The following CHD9 variants were observed in gnomAD, a reference collection of about 807,000 sequenced individuals.
The protein encoded by CHD9 is chromodomain helicase DNA binding protein 9, also known as ATP-dependent chromatin remodeler CHD9.
CHD9 carries 77 observed loss-of-function variants against 316.1 expected under a neutral mutation model. That is an observed-to-expected ratio of 0.24 (90% CI 0.20 to 0.29). CHD9 has a LOEUF of 0.29. Ranked by LOEUF, CHD9 falls within the 10% of genes least tolerant of loss-of-function variation. CHD9 has a pLI of 1.00. For synonymous variants in CHD9, 1,129 were observed against 1,158.3 expected (o/e 0.97, Z 0.51); for missense variants, 2,763 against 3,438.1 (o/e 0.80, Z 4.91).
chr16:53,113,058 A>G (rs1176444527), intron 1 of CHD9, among the ~76,000 whole-genome samples: 1 of 152,004 alleles, frequency 6.6e-6, no homozygotes, highest in Non-Finnish European at 1.5e-5. Flanking sequence ...GTGGTGTGTG[A>G]CTAGTCTCAG....
Position 53,245,307 on chromosome 16 carries a change from T to G in CHD9, c.3055-29T>G. The G allele has an allele frequency of 2.7e-6, 4 of 1,470,544 alleles. No individual in the cohort carries two copies. The highest frequency in any genetic ancestry group is 3.6e-6 in the Non-Finnish European group (4 of 1,110,910). 91.1% of individuals were successfully genotyped at this position (1,470,544 alleles called of 1,614,324 possible). A position where few individuals can be genotyped will look rare whatever the true frequency, so the allele number is the denominator to read the frequency against. The stretch of plus-strand genomic sequence containing the variant: ...TCATATAATTTTAGTACTGTGATGT[T>G]TGATGTGAATTGTTCTCACTTTTTG... On this transcript the variant is annotated intron_variant, in intron 13 of 38. Coordinates refer to ENST00000447540, the MANE Select transcript of CHD9 (RefSeq NM_001308319.2). This position sits in a 1 kb window ranked among gnomAD's most constrained non-coding sequence, Gnocchi z 4.1.
chr16:53,248,312 G>A (rs1284374499), intron 16 of CHD9: 2 of 149,716 alleles, frequency 1.3e-5, no homozygotes, highest in Non-Finnish European at 3.0e-5. Context: ...CTCCAGCCTG[G>A]GCGACAGAGC....
chr16:53,171,861 GACACACACACACACACACACACAC>G (rs750572537), intron 2 of CHD9, among the ~76,000 whole-genome samples: 11 of 124,852 alleles, frequency 8.8e-5, no homozygotes, highest in African/African-American at 3.1e-4. Context: ...CACACACACA[GACACACACACACACACACACACAC>G]ACACACACAC....
chr16:53,233,688 C>T (rs929863480), intron 10 of CHD9, among the ~76,000 whole-genome samples: 3 of 152,104 alleles, frequency 2.0e-5, no homozygotes, highest in African/African-American at 7.2e-5. Flanking sequence ...GGTGACCAGC[C>T]CCACCTGAAT....
chr16:53,278,720 AAAG>A lies in CHD9; in HGVS notation c.4967+4423_4967+4425del, dbSNP rs367658867. On this transcript the variant is annotated intron_variant, in intron 24 of 38. Transcript: ENST00000447540. ...GAAGGATATGAACAGACACTTCTCAAAAGAAGACATTTATGCAGCCAACAGACA... is the reference window on the plus strand; with the variant it reads ...GAAGGATATGAACAGACACTTCTCAAAAGACATTTATGCAGCCAACAGACA... Among the ~76,000 whole-genome samples, 11 of 152,360 alleles carry A rather than the reference AAAG, an allele frequency of 7.2e-5. No homozygotes were observed. The East Asian group carries it at 1.5e-3, about 21-fold the overall frequency.
At chr16:53,074,970 C>A (rs534899368) in intron 1 of CHD9, among the ~76,000 whole-genome samples, 35 of 152,198 alleles carry the variant, frequency 2.3e-4, no homozygotes, top group Non-Finnish European at 4.0e-4. Context: ...CCTGGAAAAG[C>A]CACAGACAAC....
At chr16:53,070,015 C>A (rs1362320688) in intron 1 of CHD9, among the ~76,000 whole-genome samples, 1 of 152,136 alleles carries the variant, frequency 6.6e-6, no homozygotes, top group East Asian at 1.9e-4. Flanking sequence ...TGATGTTGAG[C>A]ATCTTTTCAT....
chr16:53,125,218 A>ATTTTTTTTTTTTTTTTTTTTTTTTTTTT (rs34096444), intron 1 of CHD9, among the ~76,000 whole-genome samples: 2 of 95,760 alleles, frequency 2.1e-5, no homozygotes, highest in Non-Finnish European at 2.0e-5. Flanking sequence ...TCAAGTTAGG[A>ATTTTTTTTTTTTTTTTTTTTTTTTTTTT]TTTTTTTTTT....
chr16:53,163,519 G>C (rs1326802566), intron 2 of CHD9, among the ~76,000 whole-genome samples: 1 of 152,070 alleles, frequency 6.6e-6, no homozygotes, highest in East Asian at 1.9e-4. Context: ...CAATATTTTT[G>C]AATTTTAAAG....
At chr16:53,133,350 G>A (rs980465303) in intron 1 of CHD9, among the ~76,000 whole-genome samples, 15 of 152,060 alleles carry the variant, frequency 9.9e-5, no homozygotes, top group African/African-American at 3.6e-4. Flanking sequence ...ATCGGGGGCG[G>A]CTCTTAATAG....
At chr16:53,208,441 T>TA (rs2046057447) in intron 2 of CHD9, 1 of 1,217,146 alleles carries the variant, frequency 8.2e-7, no homozygotes, top group African/African-American at 1.6e-5. Flanking sequence ...TGGCTGCTGC[T>TA]ACGGGAGTCG....
intron 27 of CHD9, among the ~76,000 whole-genome samples, chr16:53,288,474 A>G (rs923889308): frequency 6.6e-6 from 1 of 152,242 alleles, no homozygotes; most frequent in Non-Finnish European, 1.5e-5. Flanking sequence ...GAAGAGTTGG[A>G]TGAAAGTACA....
At chr16:53,174,845 C>G (rs1185013650) in intron 2 of CHD9, among the ~76,000 whole-genome samples, 2 of 152,072 alleles carry the variant, frequency 1.3e-5, no homozygotes, top group Non-Finnish European at 2.9e-5. Flanking sequence ...CCTTTGCATA[C>G]CTGATAATGT....
intron 22 of CHD9, among the ~76,000 whole-genome samples, chr16:53,271,896 A>T (rs1439721813): frequency 1.3e-5 from 2 of 152,202 alleles, no homozygotes; most frequent in African/African-American, 2.4e-5. Flanking sequence ...ATTTTTAAGT[A>T]TGTACTATTT....
intron 1 of CHD9, among the ~76,000 whole-genome samples, chr16:53,111,498 T>G (rs2037863598): frequency 6.6e-6 from 1 of 152,238 alleles, no homozygotes; most frequent in Admixed American, 6.5e-5. Flanking sequence ...GGTTTGCAAA[T>G]TCTTTGAGGC....
chr16:53,258,081 T>C (rs549457396), intron 19 of CHD9, among the ~76,000 whole-genome samples: 5 of 152,302 alleles, frequency 3.3e-5, no homozygotes, highest in Non-Finnish European at 5.9e-5. Context: ...TGAGCACATG[T>C]GATTCTTGGC....
intron 37 of CHD9, chr16:53,321,209 A>T (rs1435162838): frequency 1.5e-6 from 2 of 1,312,272 alleles, no homozygotes; most frequent in Non-Finnish European, 1.0e-6. Flanking sequence ...GCTCGAGTTC[A>T]CATAGCTGGT....
chr16:53,264,522 G>GA (rs755180695), intron 20 of CHD9, among the ~76,000 whole-genome samples: 24 of 152,276 alleles, frequency 1.6e-4, no homozygotes, highest in Admixed American at 1.0e-3. Context: ...GATGCAGAAT[G>GA]ATGCTTACAA....
intron 2 of CHD9, among the ~76,000 whole-genome samples, chr16:53,201,037 G>A (rs2045411223): frequency 6.6e-6 from 1 of 152,150 alleles, no homozygotes; most frequent in South Asian, 2.1e-4. Flanking sequence ...TTACAGTTGA[G>A]GAAGCTGAGG....
Sources: allele counts gnomAD v4.1 joint callset (sites outside exome capture counted in the v4.1 genomes callset), GRCh38; gene constraint gnomAD v4.1.1; non-coding constraint Gnocchi (gnomAD v3.1); transcripts MANE v1.5; gene names NCBI Gene and HGNC (gene_info 2026-07-23, HGNC 2026-07-21).